Variants in SGK1 observed in about 807,000 individuals in gnomAD.
SGK1 encodes serine/threonine-protein kinase Sgk1.
A neutral mutation model predicts 64.2 loss-of-function variants in SGK1; 26 were observed. The observed-to-expected ratio is 0.40, with a 90% CI of 0.30 to 0.56. SGK1 has a LOEUF of 0.56. Among genes scored for constraint, SGK1 ranks in the 20% least tolerant of loss-of-function variants. The pLI is 0.38. For synonymous variants in SGK1, 265 were observed against 239.7 expected (o/e 1.11, Z -0.98); for missense variants, 519 against 645.6 (o/e 0.80, Z 2.12).
chr6:134,306,321 G>A (rs992479722), intron 1 of SGK1, among the ~76,000 whole-genome samples: 18 of 151,938 alleles, frequency 1.2e-4, no homozygotes, highest in Non-Finnish European at 1.8e-4. Flanking sequence ...TACTCAGGAG[G>A]CTGAGGCAGA....
At chr6:134,307,692 G>T (rs1265634590) in intron 1 of SGK1, among the ~76,000 whole-genome samples, 1 of 152,204 alleles carries the variant, frequency 6.6e-6, no homozygotes, top group African/African-American at 2.4e-5. Flanking sequence ...CAGTACAGAT[G>T]AAACCATCCT....
intron 1 of SGK1, among the ~76,000 whole-genome samples, chr6:134,290,330 AAAAAG>A (rs139304924): frequency 0.41 from 59,400 of 144,786 alleles, 12,745 homozygotes; most frequent in East Asian, 0.82. Context: ...CCTCTAAAAA[AAAAAG>A]AAAAGAAAAG....
At chr6:134,173,430 G>A (rs765443951) in intron 6 of SGK1, 32 bp downstream of exon 6, 11 of 1,570,500 alleles carry the variant, frequency 7.0e-6, no homozygotes, top group African/African-American at 1.4e-5. Context: ...CATGAAGGAA[G>A]TGTACCAAAA....
chr6:134,174,991 TGGCGGCTACGCTGCCTGCGGCG>T lies in SGK1; in HGVS notation c.362-427_362-406del, dbSNP rs981837842. The T allele has an allele frequency of 3.4e-5, 42 of 1,221,624 alleles. 1 individual carries two copies. In the South Asian group the frequency reaches 5.8e-4, roughly 17 times the overall value. 75.7% of individuals were successfully genotyped at this position (1,221,624 alleles called of 1,614,324 possible). On this transcript the variant is annotated intron_variant, in intron 3 of 13. Transcript: ENST00000367858. ...CCGCCCCGGCCGCCTCGCGGTTTGC[TGGCGGCTACGCTGCCTGCGGCG>T]GGCGGTTCTGTCCCCATTGAGAGGG...
chr6:134,184,584 C>T (rs970934648), intron 3 of SGK1, among the ~76,000 whole-genome samples: 2 of 151,268 alleles, frequency 1.3e-5, no homozygotes, highest in African/African-American at 4.9e-5. Context: ...CTTTGTCATT[C>T]ACTCTATTTC....
In SGK1 at chr6:134,173,089, G is replaced by A. The variant is rs1370991194; in HGVS notation, c.768C>T (p.Gly256=). The change falls in exon 8 of 14, where the codon GGC becomes GGT. Residue 256 remains glycine (G), a synonymous_variant. Transcript: ENST00000367858. ...LKNVKHPFLV[G]LHFSFQTADK... is the part of the protein sequence containing the mutation. ...CAGCAGTCTGGAAAGAGAAGTGAAGGCCCACCAGGAAAGGGTGCTTCACAT... is the reference window on the plus strand; with the variant it reads ...CAGCAGTCTGGAAAGAGAAGTGAAGACCCACCAGGAAAGGGTGCTTCACAT... 1 of 1,613,628 alleles carries A rather than the reference G, an allele frequency of 6.2e-7. No homozygotes were observed. The highest frequency in any genetic ancestry group is 8.5e-7 in the Non-Finnish European group (1 of 1,179,524).
intron 1 of SGK1, among the ~76,000 whole-genome samples, chr6:134,289,101 C>T (rs1363973408): frequency 6.6e-6 from 1 of 152,162 alleles, no homozygotes; most frequent in African/African-American, 2.4e-5. Context: ...ATAGAGAAAC[C>T]TGTCTGAATC....
At chr6:134,232,185 G>A (rs940823011) in intron 2 of SGK1, among the ~76,000 whole-genome samples, 10 of 148,488 alleles carry the variant, frequency 6.7e-5, no homozygotes, top group Middle Eastern at 3.8e-3. Context: ...TCGAGAGTTC[G>A]GACCAGCCTG....
Position 134,169,352 on chromosome 6 carries a change from T to C in SGK1, c.*916A>G, listed in dbSNP as rs1320850850. ...GGAAGGATTGTACGTATTATAACCA[T>C]GTTAATTACAGTACATTAAAATGGT... On this transcript the variant is annotated 3_prime_UTR_variant, in exon 14 of 14. Transcript: ENST00000367858. 1 of 152,652 alleles carries C rather than the reference T, an allele frequency of 6.6e-6. No individual in the cohort carries two copies. Among genetic ancestry groups the C allele is most frequent in the Non-Finnish European group, 1.5e-5 (1 of 68,042 alleles). The allele number at this position is 152,652 out of a possible 1,614,324, so 9.5% of individuals were successfully genotyped here.
chr6:134,315,099 T>C (rs1777659258), intron 1 of SGK1, among the ~76,000 whole-genome samples: 1 of 152,140 alleles, frequency 6.6e-6, no homozygotes, highest in Non-Finnish European at 1.5e-5. Flanking sequence ...TAATGTTTTA[T>C]AGATGTATTT....
chr6:134,173,970 T>C lies in SGK1; in HGVS notation c.513+35A>G, dbSNP rs370712786. ...GGAATACTAACTGACTCCCTTACAG[T>C]TCTCCACAGATGCACGGCACATACA... On this transcript the variant is annotated intron_variant, in intron 5 of 13. Coordinates refer to ENST00000367858, the MANE Select transcript of SGK1 (RefSeq NM_001143676.3). 3.4e-6 allele frequency: 5 copies of C among 1,462,258 alleles called. No homozygotes were observed. The African/African-American group carries it at 7.0e-5, about 20-fold the overall frequency. 90.6% of individuals were successfully genotyped at this position (1,462,258 alleles called of 1,614,324 possible). A position where few individuals can be genotyped will look rare whatever the true frequency, so the allele number is the denominator to read the frequency against.
chr6:134,173,925 T>C (rs1775121174), intron 5 of SGK1, 80 bp downstream of exon 5: 1 of 927,332 alleles, frequency 1.1e-6, no homozygotes, highest in African/African-American at 1.7e-5. Flanking sequence ...CTAGAAATGC[T>C]ATTTTAATCC....
chr6:134,295,073 A>AT (rs200892107), intron 1 of SGK1, among the ~76,000 whole-genome samples: 21 of 150,784 alleles, frequency 1.4e-4, no homozygotes, highest in African/African-American at 2.2e-4. Context: ...TGAATATGTA[A>AT]TTTTTTTTTT....
chr6:134,238,048 A>G (rs1395538087), intron 2 of SGK1, among the ~76,000 whole-genome samples: 9 of 152,206 alleles, frequency 5.9e-5, no homozygotes, highest in Admixed American at 5.9e-4. Context: ...TTTTTAGAGT[A>G]TAATTGTTCC....
intron 1 of SGK1, among the ~76,000 whole-genome samples, chr6:134,300,631 G>GTTTT: frequency 7.4e-6 from 1 of 134,982 alleles, no homozygotes; most frequent in African/African-American, 2.5e-5. Flanking sequence ...ATAAATGTTT[G>GTTTT]GTTTTTTTTT....
intron 1 of SGK1, among the ~76,000 whole-genome samples, chr6:134,278,425 G>A (rs1305705114): frequency 6.6e-6 from 1 of 152,182 alleles, no homozygotes; most frequent in East Asian, 1.9e-4. Context: ...AGTGGTAAAT[G>A]AAAGGTAAGA....
At chr6:134,282,923 C>T (rs770803759) in intron 1 of SGK1, among the ~76,000 whole-genome samples, 7 of 151,746 alleles carry the variant, frequency 4.6e-5, no homozygotes, top group Non-Finnish European at 1.0e-4. Context: ...ACAGAGATCA[C>T]ACTAGAAAGA....
chr6:134,258,550 C>T (rs1049026993), intron 2 of SGK1, among the ~76,000 whole-genome samples: 5 of 151,988 alleles, frequency 3.3e-5, no homozygotes, highest in Non-Finnish European at 5.9e-5. Context: ...ACTAAAAACA[C>T]AAAAATTCGC....
chr6:134,291,022 G>A (rs887424324), intron 1 of SGK1, among the ~76,000 whole-genome samples: 12 of 152,196 alleles, frequency 7.9e-5, no homozygotes, highest in Non-Finnish European at 2.9e-5. Context: ...TTGAGGGCTT[G>A]TTGCTGAGGG....
Sources: allele counts gnomAD v4.1 joint callset (sites outside exome capture counted in the v4.1 genomes callset), GRCh38; gene constraint gnomAD v4.1.1; transcripts MANE v1.5; gene names NCBI Gene and HGNC (gene_info 2026-07-23, HGNC 2026-07-21).